TASP1: variants seen among roughly 807,000 people sequenced by gnomAD.
TASP1 encodes the protein threonine aspartase 1.
TASP1 carries 16 observed loss-of-function variants against 56.6 expected under a neutral mutation model. The ratio of observed to expected loss-of-function variants is 0.28; its 90% CI spans 0.19 to 0.43. TASP1 has a LOEUF of 0.43. Among genes scored for constraint, TASP1 ranks in the 20% least tolerant of loss-of-function variants. The pLI, the probability that TASP1 is intolerant of heterozygous loss-of-function variation, is 1.00. For synonymous variants in TASP1, 179 were observed against 184.2 expected, an observed-to-expected ratio of 0.97 and a Z score of 0.23; for missense variants, 393 against 511.6, an observed-to-expected ratio of 0.77 and a Z score of 2.24.
chr20:13,511,970 G>A (rs1185094582), intron 10 of TASP1, among the ~76,000 whole-genome samples: 1 of 152,030 alleles, frequency 6.6e-6, no homozygotes, highest in Non-Finnish European at 1.5e-5. Context: ...ATTCCATGGT[G>A]TATATGTGCC....
At chr20:13,517,187 G>T (rs903187524) in intron 10 of TASP1, among the ~76,000 whole-genome samples, 1 of 152,052 alleles carries the variant, frequency 6.6e-6, no homozygotes, top group Admixed American at 6.6e-5. Flanking sequence ...TTGGCAAGAA[G>T]GTTTCCTATA....
intron 11 of TASP1, among the ~76,000 whole-genome samples, chr20:13,464,596 G>A (rs1028894909): frequency 6.6e-6 from 1 of 152,144 alleles, no homozygotes; most frequent in African/African-American, 2.4e-5. Flanking sequence ...TCTGACACAT[G>A]CTACAACTTG....
chr20:13,613,802 G>A (rs2048431972), intron 4 of TASP1, among the ~76,000 whole-genome samples: 1 of 152,000 alleles, frequency 6.6e-6, no homozygotes, highest in African/African-American at 2.4e-5. Context: ...AGTTTCAGCA[G>A]AGTTAGCCAC....
At chr20:13,221,568 G>GCGGCGGCGC in the TASP1 span, among the ~76,000 whole-genome samples, 1 of 145,192 alleles carries the variant, frequency 6.9e-6, no homozygotes, top group Non-Finnish European at 1.5e-5. Context: ...GGCGGCGGCG[G>GCGGCGGCGC]CGGCGGCGCC....
the TASP1 span, among the ~76,000 whole-genome samples, chr20:13,306,966 G>GA: frequency 4.6e-5 from 7 of 152,134 alleles, no homozygotes; most frequent in East Asian, 1.3e-3. Flanking sequence ...TGTGTTTCAG[G>GA]AAAAAGACCA....
intron 8 of TASP1, among the ~76,000 whole-genome samples, chr20:13,542,342 T>G (rs2045655454): frequency 6.6e-6 from 1 of 152,172 alleles, no homozygotes; most frequent in South Asian, 2.1e-4. Flanking sequence ...AATACAATAT[T>G]TCTAAATTTG....
the TASP1 span, chr20:13,164,478 G>A: frequency 1.9e-6 from 1 of 531,998 alleles, no homozygotes; most frequent in African/African-American, 1.9e-5. Flanking sequence ...GTAAGCATGG[G>A]TCACATGTTT....
chr20:13,573,439 T>C (rs1319547353), intron 6 of TASP1, among the ~76,000 whole-genome samples: 3 of 152,226 alleles, frequency 2.0e-5, no homozygotes, highest in Admixed American at 1.3e-4. Context: ...GAAACTTGTA[T>C]TGTTTATAAG....
the TASP1 span, among the ~76,000 whole-genome samples, chr20:13,227,638 A>G: frequency 6.6e-6 from 1 of 151,136 alleles, no homozygotes; most frequent in African/African-American, 2.4e-5. Context: ...CCTCCCGGGT[A>G]GCTGGGACTA....
chr20:13,256,952 G>C, the TASP1 span, among the ~76,000 whole-genome samples: 4 of 152,174 alleles, frequency 2.6e-5, no homozygotes, highest in Non-Finnish European at 5.9e-5. Context: ...GAAGATAGGA[G>C]CTGGGCCTGA....
intron 12 of TASP1, among the ~76,000 whole-genome samples, chr20:13,426,537 T>C (rs1568784441): frequency 6.6e-6 from 1 of 152,284 alleles, no homozygotes; most frequent in East Asian, 1.9e-4. Flanking sequence ...ATATTAGTGA[T>C]ACAATATATA....
chr20:13,489,492 A>C (rs6134883), intron 10 of TASP1, among the ~76,000 whole-genome samples: 38,527 of 151,798 alleles, frequency 0.25, 5,050 homozygotes, highest in Middle Eastern at 0.31. Flanking sequence ...AGCATCAAGG[A>C]CCATCCATGG....
the TASP1 span, among the ~76,000 whole-genome samples, chr20:13,183,647 A>C: frequency 6.6e-6 from 1 of 152,214 alleles, no homozygotes; most frequent in East Asian, 1.9e-4. Flanking sequence ...CAAATTATAA[A>C]CTTAATAAAA....
the TASP1 span, among the ~76,000 whole-genome samples, chr20:13,343,226 G>C: frequency 2.6e-5 from 4 of 152,206 alleles, no homozygotes; most frequent in Non-Finnish European, 5.9e-5. Context: ...GGTCCGGCAA[G>C]AGGCCAGGAT....
At chr20:13,199,997 TC>T in the TASP1 span, among the ~76,000 whole-genome samples, 2 of 152,248 alleles carry the variant, frequency 1.3e-5, no homozygotes, top group South Asian at 4.1e-4. Flanking sequence ...TGAAAGTTTC[TC>T]TGTTTAAAAT....
At chr20:13,260,019 T>C in the TASP1 span, among the ~76,000 whole-genome samples, 1 of 152,176 alleles carries the variant, frequency 6.6e-6, no homozygotes. Flanking sequence ...CAGCTTCCTA[T>C]AGAGAAAGGT....
At chr20:13,205,466 C>A in the TASP1 span, among the ~76,000 whole-genome samples, 2 of 152,192 alleles carry the variant, frequency 1.3e-5, no homozygotes, top group Admixed American at 1.3e-4. Flanking sequence ...TTATTTCTTA[C>A]AGTTCTAAAA....
chr20:13,603,094 G>A (rs780381629), intron 4 of TASP1, among the ~76,000 whole-genome samples: 22 of 152,098 alleles, frequency 1.4e-4, no homozygotes, highest in Non-Finnish European at 2.4e-4. Context: ...AGCTGGGCAT[G>A]GTGGCGTGCA....
the TASP1 span, among the ~76,000 whole-genome samples, chr20:13,352,732 T>G: frequency 1.3e-5 from 2 of 152,284 alleles, no homozygotes; most frequent in East Asian, 3.9e-4. Flanking sequence ...AATGATGCTG[T>G]CTCTCAGACA....
Sources: allele counts gnomAD v4.1 joint callset (sites outside exome capture counted in the v4.1 genomes callset), GRCh38; gene constraint gnomAD v4.1.1; transcripts MANE v1.5; gene names NCBI Gene and HGNC (gene_info 2026-07-23, HGNC 2026-07-21).